Variants in CYP2C18 observed in about 807,000 individuals in gnomAD.
CYP2C18 encodes cytochrome P450 family 2 subfamily C member 18.
In CYP2C18, 38 loss-of-function variants were observed where a neutral mutation model predicts 41.3. The ratio of observed to expected loss-of-function variants is 0.92; its 90% CI spans 0.71 to 1.21. The LOEUF is 1.21. Ranked by LOEUF, CYP2C18 falls within the 50% of genes most tolerant of loss-of-function variation. The pLI is 0.00. For synonymous variants in CYP2C18, 236 were observed against 210.0 expected (o/e 1.12, Z -1.07); for missense variants, 635 against 591.4 (o/e 1.07, Z -0.77).
rs111810443 is a variant in CYP2C18 at position 94,687,026 on chromosome 10, C to T, written c.169-744C>T. 1.2e-3 allele frequency among the ~76,000 whole-genome samples: 182 copies of T among 152,162 alleles called. 3 individuals carry two copies. The Middle Eastern group carries it at 0.017, about 14-fold the overall frequency. On this transcript the variant is annotated intron_variant, in intron 1 of 8. Coordinates refer to ENST00000285979, the MANE Select transcript of CYP2C18 (RefSeq NM_000772.3). ...TCTATGAGTTCATCATAAACATAAA[C>T]GAATGAAAGAAAGAATTAATTAGTC...
At chr10:94,699,262 A>T (rs777244415) in intron 4 of CYP2C18, among the ~76,000 whole-genome samples, 1 of 152,222 alleles carries the variant, frequency 6.6e-6, no homozygotes, top group Non-Finnish European at 1.5e-5. Flanking sequence ...CCAGCAGCAC[A>T]TCAAAAAGCT....
intron 4 of CYP2C18, 146 bp downstream of exon 4, chr10:94,695,223 A>C (rs1048556616): frequency 4.2e-6 from 3 of 711,112 alleles, no homozygotes; most frequent in African/African-American, 3.6e-5. Flanking sequence ...TACATGTGCC[A>C]TGGTGGTTTG....
rs1008485936 is a variant in CYP2C18 at position 94,733,572 on chromosome 10, A to G, written c.1291+134A>G. ...ATCATTAGCACCATTCCCTATGCCCATGCGATTTCCCTGCTGATGAACATC... is the reference window on the plus strand; with the variant it reads ...ATCATTAGCACCATTCCCTATGCCCGTGCGATTTCCCTGCTGATGAACATC... On this transcript the variant is annotated intron_variant, in intron 8 of 8. Coordinates refer to ENST00000285979, the MANE Select transcript of CYP2C18 (RefSeq NM_000772.3). 3.4e-6 allele frequency: 5 copies of G among 1,472,044 alleles called. No individual in the cohort carries two copies. In the African/African-American group the frequency reaches 5.6e-5, roughly 17 times the overall value. The allele number at this position is 1,472,044 out of a possible 1,614,324, so 91.2% of individuals were successfully genotyped here.
intron 8 of CYP2C18, among the ~76,000 whole-genome samples, chr10:94,735,006 C>G (rs1274627956): frequency 2.0e-5 from 3 of 152,110 alleles, no homozygotes; most frequent in East Asian, 3.9e-4. Context: ...AACGTGGGAA[C>G]ACTTAGTGAA....
chr10:94,735,620 G>C lies in CYP2C18; in HGVS notation c.*176G>C. On this transcript the variant is annotated 3_prime_UTR_variant, in exon 9 of 9. Transcript: ENST00000285979. ...ACCTCCATTAAAGAGAGTTTCTTGG[G>C]TCACTTCCTAAATATATCTGCTATT... The C allele has an allele frequency of 1.6e-6, 1 of 641,292 alleles. No individual in the cohort carries two copies. Among genetic ancestry groups the C allele is most frequent in the Non-Finnish European group, 2.7e-6 (1 of 370,724 alleles). The allele number at this position is 641,292 out of a possible 1,614,324, so 39.7% of individuals were successfully genotyped here. A position where few individuals can be genotyped will look rare whatever the true frequency, so the allele number is the denominator to read the frequency against.
chr10:94,723,314 C>T (rs904136840), intron 6 of CYP2C18, among the ~76,000 whole-genome samples: 6 of 152,190 alleles, frequency 3.9e-5, no homozygotes, highest in Non-Finnish European at 8.8e-5. Context: ...AGGGAGGCTG[C>T]TGGATACCAG....
At chr10:94,685,161 G>T (rs1467327177) in intron 1 of CYP2C18, among the ~76,000 whole-genome samples, 5 of 151,896 alleles carry the variant, frequency 3.3e-5, no homozygotes, top group Non-Finnish European at 1.5e-5. Flanking sequence ...AGACCCCCAA[G>T]TAGCTGGGGC....
intron 4 of CYP2C18, among the ~76,000 whole-genome samples, chr10:94,698,410 T>G (rs574476515): frequency 6.6e-6 from 1 of 152,164 alleles, no homozygotes; most frequent in East Asian, 1.9e-4. Context: ...AAGGCAGAAA[T>G]AAAAATGTTC....
At chr10:94,722,493 C>T (rs117400375) in intron 6 of CYP2C18, among the ~76,000 whole-genome samples, 59 of 152,180 alleles carry the variant, frequency 3.9e-4, no homozygotes, top group East Asian at 1.4e-3. Context: ...TTCTCAGACA[C>T]AGAGAGCAGA....
intron 4 of CYP2C18, among the ~76,000 whole-genome samples, chr10:94,698,555 A>G (rs1386269476): frequency 5.3e-5 from 8 of 152,240 alleles, no homozygotes; most frequent in Admixed American, 5.2e-4. Context: ...ACATGCTAAC[A>G]TCACAATTTA....
At chr10:94,716,527 T>G (rs1373422347) in intron 5 of CYP2C18, among the ~76,000 whole-genome samples, 1 of 152,226 alleles carries the variant, frequency 6.6e-6, no homozygotes, top group African/African-American at 2.4e-5. Flanking sequence ...CTAGTTTGAT[T>G]GTACTGTGGT....
chr10:94,720,599 A>G, intron 6 of CYP2C18, 62 bp downstream of exon 6: 2 of 1,459,698 alleles, frequency 1.4e-6, no homozygotes, highest in South Asian at 2.4e-5. Context: ...AGACACTGCT[A>G]TTGTCCTCAA....
At chr10:94,705,551 T>A (rs1240569742) in intron 4 of CYP2C18, among the ~76,000 whole-genome samples, 2 of 152,192 alleles carry the variant, frequency 1.3e-5, no homozygotes, top group African/African-American at 4.8e-5. Context: ...TTCTACTGTT[T>A]TTAAGTTGCC....
intron 5 of CYP2C18, among the ~76,000 whole-genome samples, chr10:94,707,554 T>G (rs1486866597): frequency 6.6e-6 from 1 of 152,126 alleles, no homozygotes; most frequent in Non-Finnish European, 1.5e-5. Context: ...TGTGATCAGG[T>G]ATATGTGTGA....
intron 7 of CYP2C18, among the ~76,000 whole-genome samples, chr10:94,726,363 C>G (rs1245072308): frequency 6.6e-6 from 1 of 152,052 alleles, no homozygotes; most frequent in Non-Finnish European, 1.5e-5. Context: ...CAACATCCCC[C>G]ACAGGCCCTG....
At chr10:94,701,485 G>A (rs532933739) in intron 4 of CYP2C18, among the ~76,000 whole-genome samples, 192 of 152,210 alleles carry the variant, frequency 1.3e-3, no homozygotes, top group African/African-American at 4.5e-3. Context: ...GGGGAAAGGG[G>A]GAGGGATAGC....
chr10:94,688,232 G>A lies in CYP2C18; in HGVS notation c.439G>A (p.Glu147Lys), dbSNP rs1162530952. 1.9e-6 allele frequency: 3 copies of A among 1,613,640 alleles called. No individual in the cohort carries two copies. The highest frequency in any genetic ancestry group is 2.2e-5 in the South Asian group (2 of 91,048). ...GAGGAGCATCGAGGACCGTGTTCAA[G>A]AGGAAGCCCGCTGCCTTGTGGAGGA... is the stretch of plus-strand genomic sequence containing the variant. ...GKRSIEDRVQ[E>K]EARCLVEELR... The change falls in exon 3 of 9, where the codon GAG becomes AAG. Residue 147 changes from glutamate (E) to lysine (K), a missense_variant. Transcript: ENST00000285979.
chr10:94,702,878 T>C (rs1482141321), intron 4 of CYP2C18, among the ~76,000 whole-genome samples: 1 of 152,200 alleles, frequency 6.6e-6, no homozygotes, highest in Non-Finnish European at 1.5e-5. Context: ...TTTATCTACC[T>C]TTGGTCTTTG....
chr10:94,732,135 A>G (rs879312537), intron 7 of CYP2C18, among the ~76,000 whole-genome samples: 5 of 152,220 alleles, frequency 3.3e-5, no homozygotes, highest in Admixed American at 6.5e-5. Context: ...GAACAAACAG[A>G]AAACAAATAA....
Sources: gnomAD v4.1 joint callset for allele counts (sites outside exome capture counted in the v4.1 genomes callset) on GRCh38, gnomAD v4.1.1 for gene constraint, MANE v1.5 for transcripts, NCBI Gene and HGNC (gene_info 2026-07-23, HGNC 2026-07-21) for gene names.